DGKB: variants seen among roughly 807,000 people sequenced by gnomAD.
DGKB encodes diacylglycerol kinase beta, also known as 90 kDa diacylglycerol kinase.
A neutral mutation model predicts 114.3 loss-of-function variants in DGKB; 67 were observed. The ratio of observed to expected loss-of-function variants is 0.59; its 90% CI spans 0.48 to 0.72. The LOEUF (loss-of-function observed/expected upper bound fraction) is 0.72, where lower values mean the gene tolerates loss of function less well. DGKB is among the 30% of genes least tolerant of loss of function. The pLI is 0.00. For missense variants in DGKB, 907 were observed against 975.2 expected (o/e 0.93, Z 0.93); for synonymous variants, 398 against 323.1 (o/e 1.23, Z -2.49).
rs145024799 is a variant in DGKB, at chr7:14,847,823, A to G, written c.-187-6373T>C. ...AAAAGTTAAATAATTTTAAACTTGA[A>G]TGAAGATTAAAAACATCCTGAGCAG... On this transcript the variant is annotated intron_variant, in intron 1 of 25. Coordinates refer to ENST00000402815, the MANE Select transcript of DGKB (RefSeq NM_001350709.2). 3.3e-3 allele frequency among the ~76,000 whole-genome samples: 500 copies of G among 152,338 alleles called. 2 individuals are homozygous for G. The highest frequency in any genetic ancestry group is 0.011 in the African/African-American group (473 of 41,580).
Position 14,355,576 on chromosome 7 carries a change from A to G in DGKB, c.1836-10185T>C, listed in dbSNP as rs962990093. 2.0e-5 allele frequency among the ~76,000 whole-genome samples: 3 copies of G among 152,122 alleles called. No homozygotes were observed. The East Asian group carries it at 5.8e-4, about 29-fold the overall frequency. On this transcript the variant is annotated intron_variant, in intron 21 of 25. Coordinates refer to ENST00000402815, the MANE Select transcript of DGKB (RefSeq NM_001350709.2). ...GTTGGTTCTGTTTATGTGATGGATT[A>G]ATTTATTGATTTGTGTATGTTGAAC...
intron 20 of DGKB, among the ~76,000 whole-genome samples, chr7:14,527,860 G>T (rs529734424): frequency 4.1e-4 from 63 of 151,982 alleles, no homozygotes; most frequent in Non-Finnish European, 6.8e-4. Flanking sequence ...TTCTTGCCAT[G>T]CAACAACTCA....
intron 1 of DGKB, among the ~76,000 whole-genome samples, chr7:14,842,061 T>A (rs1848015184): frequency 6.6e-6 from 1 of 152,226 alleles, no homozygotes. Flanking sequence ...ACTGGCTATA[T>A]CTGTAAAGGC....
chr7:14,660,215 C>A (rs1816750424), intron 13 of DGKB, among the ~76,000 whole-genome samples: 1 of 151,780 alleles, frequency 6.6e-6, no homozygotes, highest in African/African-American at 2.4e-5. Context: ...GTGTCTCTGC[C>A]CGGCTTTGGT....
chr7:14,528,998 G>A (rs1791108360), intron 20 of DGKB, among the ~76,000 whole-genome samples: 1 of 152,020 alleles, frequency 6.6e-6, no homozygotes, highest in African/African-American at 2.4e-5. Flanking sequence ...AATCAAGGGG[G>A]TAGTTTAACT....
At chr7:14,586,979 A>T (rs1013095656) in intron 17 of DGKB, among the ~76,000 whole-genome samples, 4 of 152,188 alleles carry the variant, frequency 2.6e-5, no homozygotes, top group African/African-American at 9.6e-5. Flanking sequence ...CACAGCATAC[A>T]TTCTGCAGCT....
At chr7:14,325,502 C>G (rs1808559126) in intron 23 of DGKB, among the ~76,000 whole-genome samples, 2 of 152,086 alleles carry the variant, frequency 1.3e-5, no homozygotes, top group South Asian at 2.1e-4. Flanking sequence ...ATCCCAATAC[C>G]TGAAAAGAGT....
chr7:14,354,998 G>A (rs1013036773), intron 21 of DGKB, among the ~76,000 whole-genome samples: 5 of 152,252 alleles, frequency 3.3e-5, no homozygotes, highest in South Asian at 4.1e-4. Flanking sequence ...TGGAAAACCC[G>A]AATAACCTTC....
intron 20 of DGKB, among the ~76,000 whole-genome samples, chr7:14,501,775 G>A (rs1401243974): frequency 6.6e-6 from 1 of 151,724 alleles, no homozygotes; most frequent in Non-Finnish European, 1.5e-5. Flanking sequence ...GTATATATGG[G>A]GTGCAGATAA....
chr7:14,287,602 T>C (rs1338175547), intron 23 of DGKB, among the ~76,000 whole-genome samples: 1 of 152,164 alleles, frequency 6.6e-6, no homozygotes, highest in Non-Finnish European at 1.5e-5. Context: ...ACAAGAGTAG[T>C]ATCTGTGGTT....
chr7:14,855,564 A>G lies in DGKB; in HGVS notation c.-187-14114T>C, dbSNP rs372512722. 7.2e-5 allele frequency among the ~76,000 whole-genome samples: 11 copies of G among 152,112 alleles called. No homozygotes were observed. In the East Asian group the frequency reaches 2.1e-3, roughly 29 times the overall value. ...CCACACACAATACATACATACCCCC[A>G]TGCATATGCACACATTTTGTCAGAT... On this transcript the variant is annotated intron_variant, in intron 1 of 25. Coordinates refer to ENST00000402815, the MANE Select transcript of DGKB (RefSeq NM_001350709.2).
At chr7:14,492,043 A>G (rs1460888100) in intron 20 of DGKB, among the ~76,000 whole-genome samples, 1 of 152,104 alleles carries the variant, frequency 6.6e-6, no homozygotes, top group Non-Finnish European at 1.5e-5. Flanking sequence ...TTATCCTTAT[A>G]AATGATTAAT....
intron 23 of DGKB, among the ~76,000 whole-genome samples, chr7:14,216,349 G>A (rs551773808): frequency 6.6e-6 from 1 of 152,140 alleles, no homozygotes; most frequent in East Asian, 1.9e-4. Flanking sequence ...TCACACTAGT[G>A]TACTGTTATA....
In DGKB at chr7:14,714,025, A is replaced by G. The variant is rs1458448700; in HGVS notation, c.466+4517T>C. 2.0e-5 allele frequency among the ~76,000 whole-genome samples: 3 copies of G among 151,640 alleles called. No homozygotes were observed. The East Asian group carries it at 5.8e-4, about 29-fold the overall frequency. ...TCATTGACTTTATTTTTACCCATTG[A>G]CTTTAATACACTTCCATTTAACTAT... is the stretch of plus-strand genomic sequence containing the variant. On this transcript the variant is annotated intron_variant, in intron 6 of 25. Transcript: ENST00000402815.
intron 2 of DGKB, among the ~76,000 whole-genome samples, chr7:14,772,016 C>G (rs1837496102): frequency 6.6e-6 from 1 of 152,114 alleles, no homozygotes; most frequent in African/African-American, 2.4e-5. Context: ...CAATTGTCAA[C>G]CAGAAAATGT....
At chr7:14,535,679 C>T (rs1444922830) in intron 20 of DGKB, among the ~76,000 whole-genome samples, 1 of 152,136 alleles carries the variant, frequency 6.6e-6, no homozygotes, top group East Asian at 1.9e-4. Flanking sequence ...CCTCCGCCTC[C>T]CATGTTCAAG....
intron 20 of DGKB, among the ~76,000 whole-genome samples, chr7:14,498,948 G>A (rs192537660): frequency 1.2e-4 from 18 of 151,658 alleles, no homozygotes; most frequent in African/African-American, 4.1e-4. Flanking sequence ...GACATTGTGT[G>A]TAAACATGAA....
In DGKB at chr7:14,574,337, CTT is replaced by C; in HGVS notation, c.1643_1644del (p.Lys548ArgfsTer3). 1 of 1,612,438 alleles carries C rather than the reference CTT, an allele frequency of 6.2e-7. No homozygotes were observed. Among genetic ancestry groups the C allele is most frequent in the Non-Finnish European group, 8.5e-7 (1 of 1,179,370 alleles). ...YEGENLMKIL[K>X]DIENSTEIML... Reference sequence around the variant, plus strand: ...ATGATTTCTGTGCTGTTTTCAATGTCTTTTAGAATTTTCATCAGATTCTCACC... The same window carrying C: ...ATGATTTCTGTGCTGTTTTCAATGTCTTAGAATTTTCATCAGATTCTCACC... On this transcript the variant is annotated frameshift_variant, in exon 20 of 26. Coordinates refer to ENST00000402815, the MANE Select transcript of DGKB (RefSeq NM_001350709.2). LOFTEE classifies it high-confidence loss of function.
intron 21 of DGKB, among the ~76,000 whole-genome samples, chr7:14,364,079 A>G (rs1245589614): frequency 6.6e-6 from 1 of 152,082 alleles, no homozygotes; most frequent in East Asian, 1.9e-4. Context: ...GTACAATACA[A>G]AGAATATGCA....
Sources: gnomAD v4.1 joint callset for allele counts (sites outside exome capture counted in the v4.1 genomes callset) on GRCh38, gnomAD v4.1.1 for gene constraint, MANE v1.5 for transcripts, NCBI Gene and HGNC (gene_info 2026-07-23, HGNC 2026-07-21) for gene names.